The following DUSP16 variants were observed in gnomAD, a reference collection of about 807,000 sequenced individuals.
The protein encoded by DUSP16 is dual specificity phosphatase 16.
DUSP16 carries 21 observed loss-of-function variants against 58.3 expected under a neutral mutation model. The observed-to-expected ratio is 0.36, with a 90% CI of 0.26 to 0.52. The LOEUF is 0.52. Ranked by LOEUF, DUSP16 falls within the 20% of genes least tolerant of loss-of-function variation. The probability of loss-of-function intolerance (pLI) is 0.94; values close to 1 mark genes in which losing one functional copy is unlikely to be tolerated. For synonymous variants in DUSP16, 320 were observed against 323.8 expected, an observed-to-expected ratio of 0.99 and a Z score of 0.12; for missense variants, 726 against 819.0, an observed-to-expected ratio of 0.89 and a Z score of 1.39.
intron 1 of DUSP16, among the ~76,000 whole-genome samples, chr12:12,552,883 C>T (rs958394494): frequency 2.0e-5 from 3 of 151,986 alleles, no homozygotes; most frequent in Non-Finnish European, 4.4e-5. Flanking sequence ...CGGGTTCAAG[C>T]GATTCTCGTG....
chr12:12,504,678 A>G (rs1428764499), intron 3 of DUSP16, among the ~76,000 whole-genome samples: 1 of 143,882 alleles, frequency 7.0e-6, no homozygotes, highest in Non-Finnish European at 1.5e-5. Flanking sequence ...ACATGGATAA[A>G]CCCAATCTCT....
rs1943696263 is a variant in DUSP16 at position 12,487,090 on chromosome 12, G to T, written c.629C>A (p.Pro210His). ...TTTCTCACAAAAGCTGTCATTCACA[G>T]GCACACGCAGGAAATGAGACTCGGG... is the stretch of plus-strand genomic sequence containing the variant. ...FIPESHFLRV[P>H]VNDSFCEKIL... The change falls in exon 5 of 7, where the codon CCT becomes CAT. Residue 210 changes from proline to histidine, a missense_variant. Physicochemically the swap from Pro to His is moderately conservative, Grantham distance 77. Transcript: ENST00000298573. 1 of 1,614,132 alleles carries T rather than the reference G, an allele frequency of 6.2e-7. No homozygotes were observed. The highest frequency in any genetic ancestry group is 8.5e-7 in the Non-Finnish European group (1 of 1,180,026).
At position 12,477,706 on chromosome 12, in the gene DUSP16, C is replaced by T. The variant is rs142652742; in HGVS notation, c.1125G>A (p.Pro375=). The T allele has an allele frequency of 3.4e-4, 549 of 1,612,966 alleles. 1 individual carries two copies. The African/African-American group carries it at 5.8e-3, about 17-fold the overall frequency. ...GCAGCCCACTGAGCGCCTGTACCAG[C>T]GGGCTGTCCTCTAACAGCGACGGCT... ...SVQPSLLEDS[P]LVQALSGLHL... The change falls in exon 7 of 7, where the codon CCG becomes CCA. Residue 375 remains proline, a synonymous_variant. Coordinates refer to ENST00000298573, the MANE Select transcript of DUSP16 (RefSeq NM_030640.3). This position sits in a 1 kb window ranked among gnomAD's most constrained non-coding sequence, Gnocchi z 4.1.
intron 1 of DUSP16, among the ~76,000 whole-genome samples, chr12:12,549,807 ACTT>A (rs1944699592): frequency 6.6e-6 from 1 of 151,304 alleles, no homozygotes; most frequent in African/African-American, 2.4e-5. Context: ...GCAAATTTTC[ACTT>A]TTTTATGTTA....
intron 4 of DUSP16, among the ~76,000 whole-genome samples, chr12:12,495,051 G>A (rs1022887016): frequency 6.6e-6 from 1 of 152,050 alleles, no homozygotes; most frequent in Non-Finnish European, 1.5e-5. Flanking sequence ...ACCTCCGGTA[G>A]CTTTAATTTC....
intron 3 of DUSP16, among the ~76,000 whole-genome samples, chr12:12,514,097 C>A (rs564186299): frequency 1.8e-4 from 27 of 152,136 alleles, no homozygotes; most frequent in African/African-American, 6.0e-4. Context: ...ACTATTGATA[C>A]AGAAATTTCA....
chr12:12,508,385 T>C (rs1287391459), intron 3 of DUSP16, among the ~76,000 whole-genome samples: 1 of 152,162 alleles, frequency 6.6e-6, no homozygotes, highest in Non-Finnish European at 1.5e-5. Flanking sequence ...ACAAAATATG[T>C]AACTAATGTT....
chr12:12,517,488 G>A (rs1156399756), intron 3 of DUSP16, among the ~76,000 whole-genome samples: 1 of 152,176 alleles, frequency 6.6e-6, no homozygotes, highest in Non-Finnish European at 1.5e-5. Context: ...TGTCCTCTGA[G>A]CAGCTGGACC....
chr12:12,509,226 C>T (rs1438543696), intron 3 of DUSP16, among the ~76,000 whole-genome samples: 1 of 152,166 alleles, frequency 6.6e-6, no homozygotes, highest in African/African-American at 2.4e-5. Context: ...ACAGAGTCTC[C>T]CTACTATTTT....
Position 12,549,190 on chromosome 12 carries a change from G to A in DUSP16, c.-366+12927C>T, listed in dbSNP as rs533668151. ...AGGGATACAACCCAGTCATCAAGAT[G>A]ACTGAAAAAGTGGCACTGCTGCTTT... is the stretch of plus-strand genomic sequence containing the variant. On this transcript the variant is annotated intron_variant, in intron 1 of 6. Transcript: ENST00000298573. Among the ~76,000 whole-genome samples, 107 of 146,156 alleles carry A rather than the reference G, an allele frequency of 7.3e-4. No individual in the cohort carries two copies. In the Middle Eastern group the frequency reaches 0.021, roughly 28 times the overall value.
At chr12:12,483,286 CA>C (rs1346214318) in intron 5 of DUSP16, among the ~76,000 whole-genome samples, 1 of 152,148 alleles carries the variant, frequency 6.6e-6, no homozygotes, top group African/African-American at 2.4e-5. Flanking sequence ...CTTCAGATAA[CA>C]ATTTTTAAAA....
At chr12:12,512,287 C>T (rs1264283984) in intron 3 of DUSP16, among the ~76,000 whole-genome samples, 1 of 152,114 alleles carries the variant, frequency 6.6e-6, no homozygotes, top group Non-Finnish European at 1.5e-5. Flanking sequence ...TACATATACA[C>T]TTGGAATGAC....
chr12:12,549,514 T>C (rs1435105961), intron 1 of DUSP16, among the ~76,000 whole-genome samples: 2 of 152,132 alleles, frequency 1.3e-5, no homozygotes, highest in African/African-American at 2.4e-5. Context: ...TAATCACTAA[T>C]GCCTACTCCA....
At chr12:12,551,724 G>A (rs941981250) in intron 1 of DUSP16, among the ~76,000 whole-genome samples, 14 of 141,984 alleles carry the variant, frequency 9.9e-5, no homozygotes, top group East Asian at 2.0e-4. Flanking sequence ...ATGGAATATC[G>A]CTCTGTTACC....
intron 1 of DUSP16, among the ~76,000 whole-genome samples, chr12:12,551,514 C>T (rs1944726197): frequency 6.7e-6 from 1 of 149,818 alleles, no homozygotes; most frequent in Non-Finnish European, 1.5e-5. Context: ...ATAAATTAAG[C>T]TTTCAAGAGA....
At chr12:12,541,523 T>C (rs555633619) in intron 1 of DUSP16, among the ~76,000 whole-genome samples, 1 of 152,344 alleles carries the variant, frequency 6.6e-6, no homozygotes, top group East Asian at 1.9e-4. Context: ...GGTAGGTAAA[T>C]GGCATAAATT....
At chr12:12,516,248 TC>T (rs1944151931) in intron 3 of DUSP16, among the ~76,000 whole-genome samples, 1 of 151,832 alleles carries the variant, frequency 6.6e-6, no homozygotes, top group East Asian at 1.9e-4. Context: ...CAAGCAATCC[TC>T]CCCCATCAGC....
chr12:12,511,750 G>A (rs888831658), intron 3 of DUSP16, among the ~76,000 whole-genome samples: 3 of 151,944 alleles, frequency 2.0e-5, no homozygotes, highest in African/African-American at 7.3e-5. Flanking sequence ...CAAGCCTTTT[G>A]CTTTTCCAAT....
At chr12:12,553,693 C>T (rs556816133) in intron 1 of DUSP16, among the ~76,000 whole-genome samples, 1 of 151,976 alleles carries the variant, frequency 6.6e-6, no homozygotes, top group Non-Finnish European at 1.5e-5. Flanking sequence ...CAGGTGTGCA[C>T]CATCACACCC....
Sources: allele counts gnomAD v4.1 joint callset (sites outside exome capture counted in the v4.1 genomes callset), GRCh38; gene constraint gnomAD v4.1.1; non-coding constraint Gnocchi (gnomAD v3.1); transcripts MANE v1.5; gene names NCBI Gene and HGNC (gene_info 2026-07-23, HGNC 2026-07-21).